The following MRPL14 variants were observed in gnomAD, a reference collection of about 807,000 sequenced individuals.
MRPL14 encodes large ribosomal subunit protein uL14m.
Under a neutral mutation model 10.9 loss-of-function variants are expected in MRPL14, and 8 were observed. The observed-to-expected ratio is 0.74, with a 90% CI of 0.43 to 1.33. The LOEUF (loss-of-function observed/expected upper bound fraction) is 1.33. Ranked by LOEUF, MRPL14 falls within the 40% of genes most tolerant of loss-of-function variation. The probability of loss-of-function intolerance (pLI) is 0.01; values close to 1 mark genes in which losing one functional copy is unlikely to be tolerated. For missense variants in MRPL14, 179 were observed against 194.5 expected (o/e 0.92, Z 0.47); for synonymous variants, 82 against 74.1 (o/e 1.11, Z -0.54).
chr6:44,120,423 G>A (rs900670868), intron 1 of MRPL14, among the ~76,000 whole-genome samples: 1 of 152,152 alleles, frequency 6.6e-6, no homozygotes, highest in Non-Finnish European at 1.5e-5. Flanking sequence ...CACAGACTTC[G>A]ATGGTAAGGA....
At chr6:44,119,374 A>G (rs562391965) in intron 1 of MRPL14, among the ~76,000 whole-genome samples, 180 of 152,136 alleles carry the variant, frequency 1.2e-3, no homozygotes, top group African/African-American at 4.1e-3. Flanking sequence ...CTAAAAATAC[A>G]AAAATAAGCC....
intron 1 of MRPL14, among the ~76,000 whole-genome samples, chr6:44,122,907 T>C (rs1430452079): frequency 2.0e-5 from 3 of 152,220 alleles, no homozygotes; most frequent in Non-Finnish European, 2.9e-5. Context: ...CACCTCAGGT[T>C]TCTCCTCAAT....
intron 1 of MRPL14, among the ~76,000 whole-genome samples, chr6:44,122,386 G>A (rs1408539375): frequency 6.6e-6 from 1 of 152,208 alleles, no homozygotes; most frequent in East Asian, 1.9e-4. Flanking sequence ...CCCTGCCAGA[G>A]AGCTCATTTT....
intron 1 of MRPL14, among the ~76,000 whole-genome samples, chr6:44,125,138 A>T (rs2128203706): frequency 6.6e-6 from 1 of 152,290 alleles, no homozygotes; most frequent in African/African-American, 2.4e-5. Context: ...AATATTCAGG[A>T]GCAATAATAA....
rs1209018327 is a variant in MRPL14, at chr6:44,124,724, GAAC to G, written c.-19+2617_-19+2619del. ...AATATTCAGCATATTACCTGACCCAGAACAACATTTCTGAGATCTGAACTGCAG... is the reference window on the plus strand; with the variant it reads ...AATATTCAGCATATTACCTGACCCAGAACATTTCTGAGATCTGAACTGCAG... On this transcript the variant is annotated intron_variant, in intron 1 of 2. Transcript: ENST00000372014. Among the ~76,000 whole-genome samples, 3 of 152,260 alleles carry G rather than the reference GAAC, an allele frequency of 2.0e-5. No homozygotes were observed. In the East Asian group the frequency reaches 5.8e-4, roughly 29 times the overall value.
rs956439241 is a variant in MRPL14 at position 44,113,721 on chromosome 6, G to A, written c.*122C>T. The A allele has an allele frequency of 1.0e-6, 1 of 962,012 alleles. No homozygotes were observed. The highest frequency in any genetic ancestry group is 1.5e-6 in the Non-Finnish European group (1 of 666,780). 59.6% of individuals were successfully genotyped at this position (962,012 alleles called of 1,614,324 possible). A position where few individuals can be genotyped will look rare whatever the true frequency, so the allele number is the denominator to read the frequency against. On this transcript the variant is annotated 3_prime_UTR_variant, in exon 3 of 3. Coordinates refer to ENST00000372014, the MANE Select transcript of MRPL14 (RefSeq NM_032111.4). ...AATGAATACATTTATTCTCTCACAG[G>A]ATACTACACTGTTACCCAGTGTGAA...
Position 44,114,043 on chromosome 6 carries a change from G to C in MRPL14, c.238C>G (p.Gln80Glu), listed in dbSNP as rs1775593640. 1.2e-6 allele frequency: 2 copies of C among 1,614,180 alleles called. No homozygotes were observed. Among genetic ancestry groups the C allele is most frequent in the Non-Finnish European group, 1.7e-6 (2 of 1,180,030 alleles). ...CCCACAATGAGCGCCTTTTTCTTCT[G>C]TCCCTTGATGGCCAGTAGTATCTGG... Reference protein sequence around the residue: ...GDQILLAIKGQKKKALIVGHC... With the variant: ...GDQILLAIKGEKKKALIVGHC... Residue 80 changes from glutamine to glutamate, a missense_variant, in exon 3 of 3, where the codon CAG (glutamine) becomes GAG (glutamate). Gln to Glu is a conservative substitution (Grantham distance 29). Transcript: ENST00000372014.
At chr6:44,126,428 A>G (rs1777053254) in intron 1 of MRPL14, among the ~76,000 whole-genome samples, 1 of 152,244 alleles carries the variant, frequency 6.6e-6, no homozygotes, top group Admixed American at 6.5e-5. Context: ...TTGAAAATCC[A>G]GCATACAGCA....
intron 2 of MRPL14, among the ~76,000 whole-genome samples, chr6:44,114,416 G>C (rs1259665967): frequency 3.3e-5 from 5 of 152,216 alleles, no homozygotes; most frequent in Non-Finnish European, 7.3e-5. Context: ...AGCTTCTGCT[G>C]TTGTGTCAAG....
intron 2 of MRPL14, among the ~76,000 whole-genome samples, chr6:44,115,403 TCTAGA>T (rs1775747224): frequency 6.6e-6 from 1 of 152,152 alleles, no homozygotes; most frequent in Non-Finnish European, 1.5e-5. Context: ...GCTACACTTA[TCTAGA>T]CGATGGCTTC....
Position 44,113,573 on chromosome 6 carries a change from G to C in MRPL14, c.*270C>G, listed in dbSNP as rs1326627834. 6.3e-6 allele frequency: 2 copies of C among 319,448 alleles called. No individual in the cohort carries two copies. The highest frequency in any genetic ancestry group is 1.1e-5 in the Non-Finnish European group (2 of 175,952). 19.8% of individuals were successfully genotyped at this position (319,448 alleles called of 1,614,324 possible). A position where few individuals can be genotyped will look rare whatever the true frequency, so the allele number is the denominator to read the frequency against. On this transcript the variant is annotated 3_prime_UTR_variant, in exon 3 of 3. Transcript: ENST00000372014. Reference sequence around the variant, plus strand: ...CCAGAAAAGCAAGGGCTCAGACCCTGGCACCAAGGCTGCTCCATGTAAAGA... The same window carrying C: ...CCAGAAAAGCAAGGGCTCAGACCCTCGCACCAAGGCTGCTCCATGTAAAGA...
intron 1 of MRPL14, among the ~76,000 whole-genome samples, chr6:44,121,648 A>G (rs1299405961): frequency 6.6e-6 from 1 of 152,240 alleles, no homozygotes; most frequent in African/African-American, 2.4e-5. Context: ...GGTGGACAGA[A>G]CTGATTTATG....
At chr6:44,127,194 CT>C (rs1441629735) in intron 1 of MRPL14, 149 bp downstream of exon 1, 5 of 151,116 alleles carry the variant, frequency 3.3e-5, no homozygotes, top group African/African-American at 4.9e-5. Context: ...GGACCCCCCC[CT>C]CCCCGTCGGG....
chr6:44,125,982 C>T (rs1049577766), intron 1 of MRPL14, among the ~76,000 whole-genome samples: 5 of 152,182 alleles, frequency 3.3e-5, no homozygotes, highest in Non-Finnish European at 5.9e-5. Flanking sequence ...TTCAGTAGCA[C>T]GTACAGTATT....
chr6:44,126,527 TGA>T (rs1178540591), intron 1 of MRPL14, among the ~76,000 whole-genome samples: 1 of 152,202 alleles, frequency 6.6e-6, no homozygotes, highest in African/African-American at 2.4e-5. Context: ...CCACCAGCCC[TGA>T]GAGTTAATTA....
chr6:44,118,606 TGAACAC>T (rs1776094947), intron 1 of MRPL14, among the ~76,000 whole-genome samples: 1 of 152,224 alleles, frequency 6.6e-6, no homozygotes, highest in Non-Finnish European at 1.5e-5. Context: ...TCTTTATTTA[TGAACAC>T]TTATCAAATG....
At position 44,113,885 on chromosome 6, in the gene MRPL14, G is replaced by A. The variant is rs1210052367; in HGVS notation, c.396C>T (p.Gly132=). 34 of 1,596,296 alleles carry A rather than the reference G, an allele frequency of 2.1e-5. No homozygotes were observed. The highest frequency in any genetic ancestry group is 2.8e-5 in the Non-Finnish European group (33 of 1,167,536). Residue 132 remains glycine (G), a synonymous_variant, in exon 3 of 3, where the codon GGC becomes GGT. Coordinates refer to ENST00000372014, the MANE Select transcript of MRPL14 (RefSeq NM_032111.4). ...CAATGGCCAGCACCTTGGAATACTCGCCTTCCCGCTTGCGCAGGCTGGTGG... is the reference window on the plus strand; with the variant it reads ...CAATGGCCAGCACCTTGGAATACTCACCTTCCCGCTTGCGCAGGCTGGTGG... ...PIPTSLRKRE[G]EYSKVLAIAQ...
chr6:44,120,963 G>A (rs746463996), intron 1 of MRPL14, among the ~76,000 whole-genome samples: 1 of 152,260 alleles, frequency 6.6e-6, no homozygotes, highest in African/African-American at 2.4e-5. Flanking sequence ...TGCCTACACT[G>A]CCTACTATGG....
intron 2 of MRPL14, among the ~76,000 whole-genome samples, chr6:44,115,145 T>C (rs1775715380): frequency 6.6e-6 from 1 of 152,104 alleles, no homozygotes; most frequent in East Asian, 1.9e-4. Flanking sequence ...TGCTAGCACC[T>C]GATGCTGGTG....
Sources: gnomAD v4.1 joint callset for allele counts (sites outside exome capture counted in the v4.1 genomes callset) on GRCh38, gnomAD v4.1.1 for gene constraint, MANE v1.5 for transcripts, NCBI Gene and HGNC (gene_info 2026-07-23, HGNC 2026-07-21) for gene names.